Variants in LIN28A observed in about 807,000 individuals in gnomAD.
LIN28A encodes the protein protein lin-28 homolog A.
Under a neutral mutation model 21.1 loss-of-function variants are expected in LIN28A, and 11 were observed. That is an observed-to-expected ratio of 0.52 (90% CI 0.33 to 0.86). The LOEUF is 0.86. LIN28A is among the 40% of genes least tolerant of loss of function. LIN28A has a pLI of 0.03. For synonymous variants in LIN28A, 111 were observed against 108.7 expected (o/e 1.02, Z -0.13); for missense variants, 219 against 279.8 (o/e 0.78, Z 1.55).
At chr1:26,422,421 T>C (rs1381683057) in intron 2 of LIN28A, among the ~76,000 whole-genome samples, 1 of 151,972 alleles carries the variant, frequency 6.6e-6, no homozygotes, top group Non-Finnish European at 1.5e-5. Flanking sequence ...CCTATTTTTT[T>C]TTTTTTTTTC....
intron 2 of LIN28A, among the ~76,000 whole-genome samples, chr1:26,421,573 G>A (rs537161027): frequency 3.5e-4 from 53 of 152,208 alleles, no homozygotes; most frequent in African/African-American, 1.1e-3. Context: ...ACAATGAGGT[G>A]TTTAAATCCT....
intron 2 of LIN28A, among the ~76,000 whole-genome samples, chr1:26,424,004 C>T (rs1008875112): frequency 1.3e-5 from 2 of 149,636 alleles, no homozygotes; most frequent in Admixed American, 1.3e-4. Context: ...CCTCGTGATC[C>T]CCTGCCTTTG....
intron 2 of LIN28A, among the ~76,000 whole-genome samples, chr1:26,413,272 C>T (rs751061926): frequency 2.6e-5 from 4 of 152,164 alleles, no homozygotes; most frequent in African/African-American, 4.8e-5. Flanking sequence ...AACGTTTTCT[C>T]ATCTCCCATC....
intron 2 of LIN28A, among the ~76,000 whole-genome samples, chr1:26,416,811 G>GT (rs1187325066): frequency 6.6e-6 from 1 of 151,810 alleles, no homozygotes; most frequent in Non-Finnish European, 1.5e-5. Context: ...TAGAGATGGG[G>GT]TTTCACCATG....
At chr1:26,412,379 C>A (rs1314117477) in intron 2 of LIN28A, among the ~76,000 whole-genome samples, 4 of 152,122 alleles carry the variant, frequency 2.6e-5, no homozygotes, top group Non-Finnish European at 5.9e-5. Context: ...ATTTATGGCC[C>A]CAGACAGCCA....
Position 26,427,896 on chromosome 1 carries a change from C to G in LIN28A, c.*1438C>G, listed in dbSNP as rs1246204082. 2 of 152,582 alleles carry G rather than the reference C, an allele frequency of 1.3e-5. No homozygotes were observed. Among genetic ancestry groups the G allele is most frequent in the Non-Finnish European group, 2.9e-5 (2 of 68,056 alleles). 9.5% of individuals were successfully genotyped at this position (152,582 alleles called of 1,614,324 possible). On this transcript the variant is annotated 3_prime_UTR_variant, in exon 4 of 4. Transcript: ENST00000326279. ...CTGCTACAGTAGTGATTAATAGTGT[C>G]ATGGTAGCTAAAGGAGAAAAAGGGG...
chr1:26,413,689 C>A (rs1422917673), intron 2 of LIN28A, among the ~76,000 whole-genome samples: 1 of 152,158 alleles, frequency 6.6e-6, no homozygotes, highest in Non-Finnish European at 1.5e-5. Context: ...TGAGCCTTTA[C>A]CTGGTAGCTC....
At chr1:26,415,876 A>G (rs2074990140) in intron 2 of LIN28A, among the ~76,000 whole-genome samples, 1 of 152,194 alleles carries the variant, frequency 6.6e-6, no homozygotes, top group African/African-American at 2.4e-5. Context: ...TTAAAAATAA[A>G]TTGACTCGAT....
intron 2 of LIN28A, among the ~76,000 whole-genome samples, chr1:26,419,030 G>T (rs751950986): frequency 1.3e-5 from 2 of 151,988 alleles, no homozygotes; most frequent in African/African-American, 4.8e-5. Flanking sequence ...GGGCTCTACT[G>T]GGGGAGCTCA....
At chr1:26,417,313 C>G (rs1381970983) in intron 2 of LIN28A, among the ~76,000 whole-genome samples, 1 of 152,184 alleles carries the variant, frequency 6.6e-6, no homozygotes, top group Non-Finnish European at 1.5e-5. Context: ...TCCAGACACC[C>G]CTTTCACCAA....
At chr1:26,417,708 G>C (rs1282537238) in intron 2 of LIN28A, among the ~76,000 whole-genome samples, 1 of 152,164 alleles carries the variant, frequency 6.6e-6, no homozygotes, top group African/African-American at 2.4e-5. Flanking sequence ...GGTTAAATGA[G>C]TTACAACACG....
In LIN28A at chr1:26,425,487, G is replaced by C; in HGVS notation, c.413G>C (p.Arg138Thr). ...SMQKRRSKGD[R>T]CYNCGGLDHH... ...CAGAAGCGCAGATCAAAAGGAGACA[G>C]GTATGGATTGGAAGGCAGCTTATAT... is the stretch of plus-strand genomic sequence containing the variant. Residue 138 changes from arginine to threonine, a missense_variant and splice_region_variant, in exon 3 of 4, where the codon AGG becomes ACG. Physicochemically the swap from Arg to Thr is moderately conservative, Grantham distance 71. Coordinates refer to ENST00000326279, the MANE Select transcript of LIN28A (RefSeq NM_024674.6). The C allele has an allele frequency of 6.2e-7, 1 of 1,613,554 alleles. No individual in the cohort carries two copies. The highest frequency in any genetic ancestry group is 8.5e-7 in the Non-Finnish European group (1 of 1,179,686).
Position 26,411,491 on chromosome 1 carries a change from G to T in LIN28A, c.137G>T (p.Trp46Leu). 1 of 1,614,110 alleles carries T rather than the reference G, an allele frequency of 6.2e-7. No homozygotes were observed. The highest frequency in any genetic ancestry group is 8.5e-7 in the Non-Finnish European group (1 of 1,180,000). ...QLLHGAGICK[W>L]FNVRMGFGFL... ...CTGCACGGTGCGGGCATCTGTAAGTGGTTCAACGTGCGCATGGGGTTCGGC... is the reference window on the plus strand; with the variant it reads ...CTGCACGGTGCGGGCATCTGTAAGTTGTTCAACGTGCGCATGGGGTTCGGC... Residue 46 changes from tryptophan (W) to leucine (L), a missense_variant, in exon 2 of 4, where the codon TGG becomes TTG. Transcript: ENST00000326279. The surrounding 1 kb of genome is among the most constrained non-coding windows in gnomAD (Gnocchi z 5.4).
intron 2 of LIN28A, among the ~76,000 whole-genome samples, chr1:26,417,985 C>T (rs2075003524): frequency 6.6e-6 from 1 of 151,654 alleles, no homozygotes; most frequent in South Asian, 2.1e-4. Context: ...AGAAAGGACA[C>T]TTAGGTTCCT....
intron 2 of LIN28A, among the ~76,000 whole-genome samples, chr1:26,417,270 G>A (rs551811062): frequency 2.6e-5 from 4 of 152,282 alleles, no homozygotes; most frequent in African/African-American, 9.6e-5. Flanking sequence ...GAGCAGAGGG[G>A]ATCAGAGGGA....
intron 2 of LIN28A, among the ~76,000 whole-genome samples, chr1:26,416,217 T>C (rs2074992257): frequency 6.6e-6 from 1 of 152,086 alleles, no homozygotes; most frequent in Admixed American, 6.5e-5. Context: ...GGTCTCAAAC[T>C]CCTGACCTCA....
At position 26,411,602 on chromosome 1, in the gene LIN28A, C is replaced by T. The variant is rs1163487355; in HGVS notation, c.228+20C>T. On this transcript the variant is annotated intron_variant, in intron 2 of 3. Coordinates refer to ENST00000326279, the MANE Select transcript of LIN28A (RefSeq NM_024674.6). This position sits in a 1 kb window ranked among gnomAD's most constrained non-coding sequence, Gnocchi z 5.4. ...CACCAGGTGAGACTGATTCCGGTAA[C>T]TTTGCCCAGGGAAGGGCGTCTAGGC... 1.9e-6 allele frequency: 3 copies of T among 1,606,118 alleles called. No individual in the cohort carries two copies. Among genetic ancestry groups the T allele is most frequent in the Admixed American group, 1.8e-5 (1 of 56,854 alleles).
chr1:26,422,010 C>CT (rs35658483), intron 2 of LIN28A, among the ~76,000 whole-genome samples: 53,611 of 142,738 alleles, frequency 0.38, 11,866 homozygotes, highest in East Asian at 0.74. Context: ...GAATATTTAT[C>CT]TTTTTTTTTT....
chr1:26,417,253 T>A (rs987150571), intron 2 of LIN28A, among the ~76,000 whole-genome samples: 2 of 152,236 alleles, frequency 1.3e-5, no homozygotes, highest in African/African-American at 4.8e-5. Flanking sequence ...AGGGCCTGGC[T>A]GTGGCTGAGC....
Sources: gnomAD v4.1 joint callset for allele counts (sites outside exome capture counted in the v4.1 genomes callset) on GRCh38, gnomAD v4.1.1 for gene constraint, Gnocchi (gnomAD v3.1) non-coding constraint, MANE v1.5 for transcripts, NCBI Gene and HGNC (gene_info 2026-07-23, HGNC 2026-07-21) for gene names.